The following CDK6 variants were observed in gnomAD, a reference collection of about 807,000 sequenced individuals.
CDK6 encodes the protein cyclin-dependent kinase 6.
In CDK6, 6 loss-of-function variants were observed where a neutral mutation model predicts 37.1. That is an observed-to-expected ratio of 0.16 (90% CI 0.09 to 0.32). CDK6 has a LOEUF of 0.32. Ranked by LOEUF, CDK6 falls within the 10% of genes least tolerant of loss-of-function variation. The pLI is 1.00. For missense variants in CDK6, 224 were observed against 418.9 expected (o/e 0.53, Z 4.06); for synonymous variants, 160 against 161.3 (o/e 0.99, Z 0.06).
Position 92,833,438 on chromosome 7 carries a change from C to CT in CDK6, c.-116dup, listed in dbSNP as rs1293664167. 3 of 714,782 alleles carry CT rather than the reference C, an allele frequency of 4.2e-6. No homozygotes were observed. Among genetic ancestry groups the CT allele is most frequent in the Non-Finnish European group, 6.6e-6 (3 of 455,356 alleles). The allele number at this position is 714,782 out of a possible 1,614,324, so 44.3% of individuals were successfully genotyped here. A position where few individuals can be genotyped will look rare whatever the true frequency, so the allele number is the denominator to read the frequency against. On this transcript the variant is annotated 5_prime_UTR_variant, in exon 2 of 8. Transcript: ENST00000424848. This position sits in a 1 kb window ranked among gnomAD's most constrained non-coding sequence, Gnocchi z 6.1. ...CTCCCCGGAGATCGGTCTAGCTTTA[C>CT]TTGCTCCCCGCCGGCTCAGGCGCTC...
At chr7:92,686,924 G>A (rs1334627286) in intron 4 of CDK6, among the ~76,000 whole-genome samples, 2 of 151,846 alleles carry the variant, frequency 1.3e-5, no homozygotes, top group African/African-American at 2.4e-5. Flanking sequence ...TATCTTCTTT[G>A]GAGAACTGTC....
intron 4 of CDK6, among the ~76,000 whole-genome samples, chr7:92,673,162 T>G (rs985329358): frequency 6.6e-5 from 10 of 152,200 alleles, no homozygotes; most frequent in Non-Finnish European, 1.5e-4. Flanking sequence ...AGCCTGCGAA[T>G]GAGCCATCTT....
intron 3 of CDK6, among the ~76,000 whole-genome samples, chr7:92,737,793 C>T (rs1798822536): frequency 6.6e-6 from 1 of 152,116 alleles, no homozygotes; most frequent in Non-Finnish European, 1.5e-5. Context: ...AACAAGGACT[C>T]TGAAAAGAAC....
At chr7:92,755,840 G>C (rs1262846072) in intron 3 of CDK6, among the ~76,000 whole-genome samples, 1 of 152,084 alleles carries the variant, frequency 6.6e-6, no homozygotes, top group Non-Finnish European at 1.5e-5. Flanking sequence ...AGCCAACAGG[G>C]TATCTCTTGC....
intron 5 of CDK6, among the ~76,000 whole-genome samples, chr7:92,629,182 C>G (rs1262148860): frequency 6.6e-6 from 1 of 152,038 alleles, no homozygotes; most frequent in Non-Finnish European, 1.5e-5. Context: ...AGGAAAAAAC[C>G]TCTGCCAGGG....
rs1801561900 is a variant in CDK6 at position 92,833,668 on chromosome 7, G to A, written c.-345C>T. The A allele has an allele frequency of 2.1e-6, 1 of 475,752 alleles. No individual in the cohort carries two copies. Among genetic ancestry groups the A allele is most frequent in the African/African-American group, 2.0e-5 (1 of 48,928 alleles). The allele number at this position is 475,752 out of a possible 1,614,324, so 29.5% of individuals were successfully genotyped here. On this transcript the variant is annotated 5_prime_UTR_variant, in exon 2 of 8. The change creates a new upstream start codon in the 5' untranslated region. Transcript: ENST00000424848. The surrounding 1 kb of genome is among the most constrained non-coding windows in gnomAD (Gnocchi z 6.1). ...GATTACATAGCCTCTGCCCAAGCGC[G>A]TCTCAGTCCAGAATCATTGCACCTA...
At chr7:92,706,454 T>C (rs1797968221) in intron 4 of CDK6, among the ~76,000 whole-genome samples, 1 of 152,096 alleles carries the variant, frequency 6.6e-6, no homozygotes, top group African/African-American at 2.4e-5. Context: ...CTTTCATAAT[T>C]AATGAGCTGT....
In CDK6 at chr7:92,618,180, GTCT is replaced by G. The variant is rs1562911775; in HGVS notation, c.723_725del (p.Glu241del). On this transcript the variant is annotated inframe_deletion, in exon 7 of 8. Coordinates refer to ENST00000424848, the MANE Select transcript of CDK6 (RefSeq NM_001145306.2). ...TGGGAAGGGCAACATCTCTAGGCCA[GTCT>G]TCTTCTCCTGGGAGTCCAATCACGC... 1 of 1,614,154 alleles carries G rather than the reference GTCT, an allele frequency of 6.2e-7. No homozygotes were observed. The highest frequency in any genetic ancestry group is 8.5e-7 in the Non-Finnish European group (1 of 1,179,978).
chr7:92,773,971 G>A (rs1799781523), intron 3 of CDK6, among the ~76,000 whole-genome samples: 1 of 152,182 alleles, frequency 6.6e-6, no homozygotes, highest in Non-Finnish European at 1.5e-5. Flanking sequence ...CACATGATGT[G>A]TATAAATCTA....
chr7:92,659,279 T>G (rs141769087), intron 5 of CDK6, among the ~76,000 whole-genome samples: 1 of 152,178 alleles, frequency 6.6e-6, no homozygotes, highest in Non-Finnish European at 1.5e-5. Flanking sequence ...TGAACTGAGA[T>G]GTGCTGTAAG....
intron 2 of CDK6, among the ~76,000 whole-genome samples, chr7:92,787,074 C>T (rs1307969507): frequency 6.6e-6 from 1 of 150,760 alleles, no homozygotes; most frequent in Non-Finnish European, 1.5e-5. Flanking sequence ...CTCAGCTACT[C>T]AGGAGGCTGA....
In CDK6 at chr7:92,833,561, G is replaced by C. The variant is rs1295002796; in HGVS notation, c.-238C>G. 7.3e-6 allele frequency: 4 copies of C among 544,734 alleles called. No individual in the cohort carries two copies. Among genetic ancestry groups the C allele is most frequent in the Non-Finnish European group, 1.3e-5 (4 of 315,252 alleles). The allele number at this position is 544,734 out of a possible 1,614,324, so 33.7% of individuals were successfully genotyped here. A position where few individuals can be genotyped will look rare whatever the true frequency, so the allele number is the denominator to read the frequency against. ...CCGCCGCCGCGAAACTCCGCCTGCA[G>C]AGTCGCCGCCGCCGCCGCCGCCGGA... On this transcript the variant is annotated 5_prime_UTR_variant, in exon 2 of 8. Coordinates refer to ENST00000424848, the MANE Select transcript of CDK6 (RefSeq NM_001145306.2). The surrounding 1 kb of genome is among the most constrained non-coding windows in gnomAD (Gnocchi z 6.1).
At chr7:92,665,350 T>A (rs1796933681) in intron 5 of CDK6, among the ~76,000 whole-genome samples, 1 of 152,110 alleles carries the variant, frequency 6.6e-6, no homozygotes, top group South Asian at 2.1e-4. Context: ...CTAACCAAAT[T>A]TATAACAATT....
chr7:92,703,807 T>C (rs577149673), intron 4 of CDK6, among the ~76,000 whole-genome samples: 1 of 152,342 alleles, frequency 6.6e-6, no homozygotes, highest in East Asian at 1.9e-4. Context: ...ATGATCCCTA[T>C]GTTTATCAGC....
intron 3 of CDK6, among the ~76,000 whole-genome samples, chr7:92,742,155 C>G (rs891643874): frequency 1.3e-5 from 2 of 152,124 alleles, no homozygotes; most frequent in Admixed American, 6.5e-5. Flanking sequence ...CAATAATGTC[C>G]TCTCAGAACA....
chr7:92,738,764 A>T (rs1730870209), intron 3 of CDK6, among the ~76,000 whole-genome samples: 1 of 152,194 alleles, frequency 6.6e-6, no homozygotes, highest in African/African-American at 2.4e-5. Context: ...TTGCATTGCA[A>T]ATACAATTTA....
Position 92,671,426 on chromosome 7 carries a change from T to C in CDK6, c.647A>G (p.Lys216Arg). 6.5e-7 allele frequency: 1 copy of C among 1,538,882 alleles called. No individual in the cohort carries two copies. The highest frequency in any genetic ancestry group is 8.8e-7 in the Non-Finnish European group (1 of 1,140,528). The change falls in exon 5 of 8, where the codon AAG becomes AGG. Residue 216 changes from lysine (K) to arginine (R), a missense_variant and splice_region_variant. Coordinates refer to ENST00000424848, the MANE Select transcript of CDK6 (RefSeq NM_001145306.2). ...GAGTGAAACAAAATGTATTTCTTAC[T>C]TTCTACGAAACATTTCTGCAAATAT... The part of the protein sequence containing the change: ...GCIFAEMFRR[K>R]PLFRGSSDVD...
intron 2 of CDK6, among the ~76,000 whole-genome samples, chr7:92,826,493 G>A (rs982388790): frequency 1.2e-4 from 19 of 152,104 alleles, no homozygotes; most frequent in African/African-American, 4.6e-4. Flanking sequence ...GGTACCAAGT[G>A]CACATTCAGA....
chr7:92,635,598 A>G (rs1796151946), intron 5 of CDK6, among the ~76,000 whole-genome samples: 1 of 152,202 alleles, frequency 6.6e-6, no homozygotes. Context: ...AACAAATAGA[A>G]TGAACTGTTA....
Sources: gnomAD v4.1 joint callset for allele counts (sites outside exome capture counted in the v4.1 genomes callset) on GRCh38, gnomAD v4.1.1 for gene constraint, Gnocchi (gnomAD v3.1) non-coding constraint, MANE v1.5 for transcripts, NCBI Gene and HGNC (gene_info 2026-07-23, HGNC 2026-07-21) for gene names.